NEBL: variants seen among roughly 807,000 people sequenced by gnomAD.
The protein encoded by NEBL is LIM and SH3 protein 2.
A neutral mutation model predicts 140.2 loss-of-function variants in NEBL; 122 were observed. That is an observed-to-expected ratio of 0.87 (90% confidence interval 0.75 to 1.01). NEBL has a LOEUF of 1.01. NEBL is among the 50% of genes least tolerant of loss of function. The pLI, the probability that NEBL is intolerant of heterozygous loss-of-function variation, is 0.00. For synonymous variants in NEBL, 436 were observed against 398.9 expected (o/e 1.09, Z -1.11); for missense variants, 1,365 against 1,231.3 (o/e 1.11, Z -1.62).
chr10:20,923,177 C>T (rs191073160), intron 4 of NEBL, among the ~76,000 whole-genome samples: 2 of 152,166 alleles, frequency 1.3e-5, no homozygotes, highest in East Asian at 3.9e-4. Flanking sequence ...AATCGATCCT[C>T]CAGCCTCAGC....
intron 19 of NEBL, 66 bp from the exon 20 acceptor site, chr10:20,819,582 A>G: frequency 1.9e-6 from 3 of 1,582,066 alleles, no homozygotes. Context: ...ACATTGCAAC[A>G]GATTTTTTTT....
chr10:20,812,636 C>T (rs1157318888), intron 24 of NEBL, 133 bp downstream of exon 24: 13 of 1,044,570 alleles, frequency 1.2e-5, no homozygotes, highest in Non-Finnish European at 1.5e-5. Context: ...ACTTTACCTG[C>T]GGTCCATTTT....
chr10:20,882,232 G>T lies in NEBL; in HGVS notation c.370-1328C>A, dbSNP rs78344925. 8.3e-3 allele frequency among the ~76,000 whole-genome samples: 1,257 copies of T among 151,180 alleles called. 19 individuals are homozygous for T. The highest frequency in any genetic ancestry group is 0.029 in the African/African-American group (1,190 of 41,176). On this transcript the variant is annotated intron_variant, in intron 4 of 27. Coordinates refer to ENST00000377122, the MANE Select transcript of NEBL (RefSeq NM_006393.3). The stretch of plus-strand genomic sequence containing the variant: ...GGAAGTAAAGAAGGAAAGAAAAAAG[G>T]AAGGAAGGAAGGAAAAGGAAAAGAG...
chr10:21,234,335 A>G (rs779876894), intron 3 of NEBL, among the ~76,000 whole-genome samples: 6 of 152,056 alleles, frequency 3.9e-5, no homozygotes, highest in Non-Finnish European at 8.8e-5. Context: ...CCTATCAGTA[A>G]TGAGTTCACC....
chr10:20,902,270 G>C (rs1350801079), upstream of NEBL, among the ~76,000 whole-genome samples: 3 of 152,072 alleles, frequency 2.0e-5, no homozygotes, highest in East Asian at 5.8e-4. Flanking sequence ...GCTGGGCATG[G>C]TGGCGGGTGC....
chr10:21,212,008 G>GAT (rs901251059), intron 3 of NEBL, among the ~76,000 whole-genome samples: 1 of 151,460 alleles, frequency 6.6e-6, no homozygotes, highest in African/African-American at 2.4e-5. Flanking sequence ...TCTCTCTTCA[G>GAT]ATATATATAT....
chr10:21,061,108 G>A (rs1243569770), intron 2 of NEBL, among the ~76,000 whole-genome samples: 3 of 151,512 alleles, frequency 2.0e-5, no homozygotes, highest in Non-Finnish European at 4.4e-5. Flanking sequence ...CAATACAACT[G>A]GTGTCCTCAT....
At chr10:21,165,208 A>G (rs949867016) in intron 2 of NEBL, among the ~76,000 whole-genome samples, 3 of 152,232 alleles carry the variant, frequency 2.0e-5, no homozygotes, top group African/African-American at 7.2e-5. Context: ...ACAGATTACA[A>G]TTTAACCCAG....
intron 4 of NEBL, among the ~76,000 whole-genome samples, chr10:20,938,668 G>A (rs1396946178): frequency 6.6e-6 from 1 of 152,074 alleles, no homozygotes; most frequent in Non-Finnish European, 1.5e-5. Context: ...TCGAACCCAT[G>A]GCAAAGAAGT....
chr10:20,867,058 G>A (rs1844366356), intron 7 of NEBL, among the ~76,000 whole-genome samples: 1 of 151,970 alleles, frequency 6.6e-6, no homozygotes. Context: ...TGCATTAGAA[G>A]TACTTTTCCA....
Position 20,869,774 on chromosome 10 carries a change from T to G in NEBL, c.548A>C (p.Lys183Thr). 3 of 1,613,404 alleles carry G rather than the reference T, an allele frequency of 1.9e-6. No individual in the cohort carries two copies. Among genetic ancestry groups the G allele is most frequent in the Non-Finnish European group, 2.5e-6 (3 of 1,179,364 alleles). Residue 183 changes from lysine (K) to threonine (T), a missense_variant, in exon 6 of 28, where the codon AAG (lysine) becomes ACG (threonine). Around this residue, in one of 2 missense-constraint regions of NEBL, gnomAD observed 1,323 missense variants for 1,154.8 expected, o/e 1.15. Coordinates refer to ENST00000377122, the MANE Select transcript of NEBL (RefSeq NM_006393.3). ...YSAELDRPDI[K>T]MATQISKIIS... ...GATCTTAGAGATCTGGGTTGCCATC[T>G]TGATGTCTGGTCGGTCAAGTTCTGC...
chr10:20,812,655 TACC>T, intron 24 of NEBL, 111 bp downstream of exon 24: 1 of 1,308,578 alleles, frequency 7.6e-7, no homozygotes, highest in Non-Finnish European at 1.1e-6. Context: ...TTAAATTGGG[TACC>T]ACAACCAACA....
intron 4 of NEBL, among the ~76,000 whole-genome samples, chr10:20,937,644 C>T (rs1164544629): frequency 4.6e-5 from 7 of 152,092 alleles, no homozygotes; most frequent in Admixed American, 1.3e-4. Context: ...GGTGAGGCAT[C>T]GCCTCACCCA....
intron 3 of NEBL, among the ~76,000 whole-genome samples, chr10:21,007,005 T>C (rs1026456355): frequency 6.6e-6 from 1 of 152,166 alleles, no homozygotes; most frequent in African/African-American, 2.4e-5. Flanking sequence ...TCAAAGAATT[T>C]GGCATCTGAT....
Position 21,071,318 on chromosome 10 carries a change from T to G in NEBL, c.165-51117A>C, listed in dbSNP as rs117143564. Among the ~76,000 whole-genome samples, 228 of 151,924 alleles carry G rather than the reference T, an allele frequency of 1.5e-3. 6 individuals carry two copies. In the East Asian group the frequency reaches 0.029, roughly 19 times the overall value. ...ATTCTTCCTCCCTTTTCTTAGTCAT[T>G]ACCACCCACAAAACCCAAAAATGAA... is the stretch of plus-strand genomic sequence containing the variant. On this transcript the variant is annotated intron_variant, in intron 2 of 6. Transcript: ENST00000417816.
intron 2 of NEBL, among the ~76,000 whole-genome samples, chr10:21,037,417 C>T (rs189334512): frequency 9.8e-5 from 14 of 142,466 alleles, no homozygotes; most frequent in African/African-American, 3.6e-4. Flanking sequence ...CAAGTTAGAT[C>T]AATAAAGTAA....
chr10:21,287,204 C>T (rs562454309), intron 1 of NEBL, among the ~76,000 whole-genome samples: 1 of 152,226 alleles, frequency 6.6e-6, no homozygotes, highest in South Asian at 2.1e-4. Flanking sequence ...CATGAGAACT[C>T]CCATAAAAGA....
At chr10:20,930,506 CT>C (rs1282227494) in intron 4 of NEBL, among the ~76,000 whole-genome samples, 1 of 152,180 alleles carries the variant, frequency 6.6e-6, no homozygotes, top group Non-Finnish European at 1.5e-5. Flanking sequence ...TGTATCATAC[CT>C]TTACTTCAAA....
intron 2 of NEBL, among the ~76,000 whole-genome samples, chr10:21,048,811 C>T (rs1171398028): frequency 1.3e-5 from 2 of 152,098 alleles, no homozygotes; most frequent in Non-Finnish European, 2.9e-5. Flanking sequence ...GCCTGGCCAA[C>T]ATGGTGAAAC....
Sources: allele counts gnomAD v4.1 joint callset (sites outside exome capture counted in the v4.1 genomes callset), GRCh38; gene constraint gnomAD v4.1.1; regional missense constraint gnomAD v4.1.1; transcripts MANE v1.5; gene names NCBI Gene and HGNC (gene_info 2026-07-23, HGNC 2026-07-21).